Variants in SLCO3A1 observed in about 807,000 individuals in gnomAD.
SLCO3A1 encodes the protein solute carrier organic anion transporter family member 3A1, also known as PGE1 transporter.
A neutral mutation model predicts 63.1 loss-of-function variants in SLCO3A1; 27 were observed. The observed-to-expected ratio is 0.43, with a 90% CI of 0.32 to 0.59. The LOEUF (loss-of-function observed/expected upper bound fraction) is 0.59, where lower values mean the gene tolerates loss of function less well. SLCO3A1 is among the 20% of genes least tolerant of loss of function. The probability of loss-of-function intolerance (pLI) is 0.09; values close to 1 mark genes in which losing one functional copy is unlikely to be tolerated. For synonymous variants in SLCO3A1, 473 were observed against 409.9 expected (o/e 1.15, Z -1.86); for missense variants, 773 against 945.8 (o/e 0.82, Z 2.40).
intron 2 of SLCO3A1, among the ~76,000 whole-genome samples, chr15:92,031,414 A>G (rs1008112743): frequency 2.6e-5 from 4 of 152,206 alleles, no homozygotes; most frequent in African/African-American, 9.7e-5. Context: ...CCTGACAGTA[A>G]AGACTTCCTA....
intron 2 of SLCO3A1, among the ~76,000 whole-genome samples, chr15:91,919,995 TCTTA>T (rs1255922517): frequency 6.6e-6 from 1 of 152,258 alleles, no homozygotes; most frequent in African/African-American, 2.4e-5. Flanking sequence ...ATTTCATTTC[TCTTA>T]CTATTTCATG....
At chr15:91,937,449 G>A (rs1899453800) in intron 2 of SLCO3A1, among the ~76,000 whole-genome samples, 1 of 152,122 alleles carries the variant, frequency 6.6e-6, no homozygotes, top group Admixed American at 6.5e-5. Context: ...GCCAGGCATG[G>A]TGGCTCACAC....
downstream of SLCO3A1, among the ~76,000 whole-genome samples, chr15:92,168,383 T>C (rs570252085): frequency 2.4e-4 from 37 of 152,294 alleles, no homozygotes; most frequent in Admixed American, 1.2e-3. Flanking sequence ...GTAGTAAACA[T>C]TTTAGACTTT....
chr15:91,877,464 G>A (rs1484165389), intron 1 of SLCO3A1, among the ~76,000 whole-genome samples: 2 of 152,178 alleles, frequency 1.3e-5, no homozygotes, highest in African/African-American at 4.8e-5. Flanking sequence ...CTATAAAGAC[G>A]CTTACGTTGT....
chr15:92,168,204 C>T (rs988704041), downstream of SLCO3A1, among the ~76,000 whole-genome samples: 7 of 152,144 alleles, frequency 4.6e-5, no homozygotes, highest in East Asian at 1.9e-4. Flanking sequence ...GTGAGTTCTG[C>T]CTCATGGCAG....
At chr15:91,990,696 C>T (rs543933595) in intron 2 of SLCO3A1, among the ~76,000 whole-genome samples, 11 of 152,234 alleles carry the variant, frequency 7.2e-5, no homozygotes, top group East Asian at 5.8e-4. Flanking sequence ...TTGAAACCCT[C>T]CTGCCTTTCC....
At chr15:92,101,995 GAAC>G (rs368630869) in intron 3 of SLCO3A1, among the ~76,000 whole-genome samples, 3 of 152,222 alleles carry the variant, frequency 2.0e-5, no homozygotes, top group East Asian at 3.9e-4. Flanking sequence ...CTCACACTTA[GAAC>G]AACAGAGTCA....
chr15:91,926,295 G>T (rs1348656736), intron 2 of SLCO3A1, among the ~76,000 whole-genome samples: 6 of 152,176 alleles, frequency 3.9e-5, no homozygotes, highest in Non-Finnish European at 5.9e-5. Context: ...AAAATAACCT[G>T]TTGGCAGGCT....
chr15:92,165,657 G>A lies in SLCO3A1; in HGVS notation c.*2522G>A. On this transcript the variant is annotated 3_prime_UTR_variant, in exon 10 of 10. Coordinates refer to ENST00000318445, the MANE Select transcript of SLCO3A1 (RefSeq NM_013272.4). ...GGGTATAAATTTAAAGACCGCTGTT[G>A]CAGGATGGCTCTGAATTCTGTTGTG... The A allele has an allele frequency of 2.0e-6, 2 of 985,394 alleles. No homozygotes were observed. The highest frequency in any genetic ancestry group is 3.5e-5 in the African/African-American group (2 of 57,352). The allele number at this position is 985,394 out of a possible 1,614,324, so 61.0% of individuals were successfully genotyped here.
At chr15:92,117,525 C>A (rs180933221) in intron 4 of SLCO3A1, among the ~76,000 whole-genome samples, 20 of 152,172 alleles carry the variant, frequency 1.3e-4, no homozygotes, top group African/African-American at 4.8e-4. Context: ...TCCAAAAGAG[C>A]ACTGTGATTG....
At chr15:92,144,524 C>G (rs1191051490) in intron 7 of SLCO3A1, among the ~76,000 whole-genome samples, 3 of 152,188 alleles carry the variant, frequency 2.0e-5, no homozygotes, top group Non-Finnish European at 2.9e-5. Context: ...TGGAGATTTC[C>G]TTTGTAAATG....
intron 7 of SLCO3A1, 28 bp from the exon 8 acceptor site, chr15:92,146,956 A>G: frequency 1.3e-6 from 2 of 1,570,654 alleles, no homozygotes; most frequent in Non-Finnish European, 1.7e-6. Flanking sequence ...GTACCCCCAG[A>G]TAAAAGGGCT....
At chr15:91,975,194 T>C (rs549903337) in intron 2 of SLCO3A1, among the ~76,000 whole-genome samples, 64 of 152,344 alleles carry the variant, frequency 4.2e-4, no homozygotes, top group African/African-American at 1.3e-3. Context: ...AAGAGTGTCA[T>C]GTTCTAGAGC....
chr15:92,120,352 T>C, intron 4 of SLCO3A1, 113 bp from the exon 5 acceptor site: 1 of 1,114,168 alleles, frequency 9.0e-7, no homozygotes, highest in Middle Eastern at 2.1e-4. Context: ...TGGATGCTGT[T>C]TGCTGAAATG....
intron 2 of SLCO3A1, among the ~76,000 whole-genome samples, chr15:92,044,543 T>C (rs7167618): frequency 0.85 from 129,874 of 152,040 alleles, 55,888 homozygotes; most frequent in African/African-American, 0.96. Flanking sequence ...GATCTTCAAC[T>C]CTGGAGGCAT....
At chr15:91,949,288 G>A (rs1256135959) in intron 2 of SLCO3A1, among the ~76,000 whole-genome samples, 3 of 152,138 alleles carry the variant, frequency 2.0e-5, no homozygotes, top group Non-Finnish European at 4.4e-5. Flanking sequence ...GCATGATCCG[G>A]CACTAGGTTT....
rs1360249181 is a variant in SLCO3A1 at position 91,856,459 on chromosome 15, ACT to A, written c.180+2372_180+2373del. 6.6e-6 allele frequency among the ~76,000 whole-genome samples: 1 copy of A among 152,126 alleles called. No homozygotes were observed. Among genetic ancestry groups the A allele is most frequent in the Non-Finnish European group, 1.5e-5 (1 of 68,026 alleles). ...GCTATGGGCTTTGCTCTTCTGGGCC[ACT>A]TCAGAGTTTTCTCTTCATCTGTTAT... On this transcript the variant is annotated intron_variant, in intron 1 of 9. Coordinates refer to ENST00000318445, the MANE Select transcript of SLCO3A1 (RefSeq NM_013272.4). The surrounding 1 kb of genome is among the most constrained non-coding windows in gnomAD (Gnocchi z 4.9).
chr15:92,011,006 A>G (rs1387804872), intron 2 of SLCO3A1, among the ~76,000 whole-genome samples: 1 of 152,160 alleles, frequency 6.6e-6, no homozygotes, highest in African/African-American at 2.4e-5. Context: ...TCCTGCTAAA[A>G]CCCAAGTCAG....
At chr15:91,893,729 G>A (rs2151359248) in intron 1 of SLCO3A1, among the ~76,000 whole-genome samples, 1 of 152,316 alleles carries the variant, frequency 6.6e-6, no homozygotes, top group South Asian at 2.1e-4. Flanking sequence ...AGCCAGAATT[G>A]AGAACAGAGT....
Sources: gnomAD v4.1 joint callset for allele counts (sites outside exome capture counted in the v4.1 genomes callset) on GRCh38, gnomAD v4.1.1 for gene constraint, Gnocchi (gnomAD v3.1) non-coding constraint, MANE v1.5 for transcripts, NCBI Gene and HGNC (gene_info 2026-07-23, HGNC 2026-07-21) for gene names.